The following HSD17B2 variants were observed in gnomAD, a reference collection of about 807,000 sequenced individuals.
HSD17B2 encodes the protein 17-beta-hydroxysteroid dehydrogenase type 2.
A neutral mutation model predicts 26.9 loss-of-function variants in HSD17B2; 32 were observed. That is an observed-to-expected ratio of 1.19 (90% confidence interval 0.90 to 1.60). The LOEUF (loss-of-function observed/expected upper bound fraction) is 1.60, where lower values mean the gene tolerates loss of function less well. Ranked by LOEUF, HSD17B2 falls within the 40% of genes most tolerant of loss-of-function variation. HSD17B2 has a pLI of 0.00. For synonymous variants in HSD17B2, 246 were observed against 186.7 expected, an observed-to-expected ratio of 1.32 and a Z score of -2.59; for missense variants, 613 against 468.6, an observed-to-expected ratio of 1.31 and a Z score of -2.85.
intron 3 of HSD17B2, among the ~76,000 whole-genome samples, chr16:82,087,141 T>C (rs558176793): frequency 1.3e-5 from 2 of 152,304 alleles, no homozygotes; most frequent in Non-Finnish European, 2.9e-5. Context: ...TGTGTTCTCT[T>C]AAGTTACCTA....
intron 1 of HSD17B2, among the ~76,000 whole-genome samples, chr16:82,055,106 G>A (rs559025603): frequency 2.0e-4 from 31 of 152,336 alleles, no homozygotes; most frequent in African/African-American, 5.5e-4. Context: ...TGTTCCCTGG[G>A]GGGGAACTGA....
intron 1 of HSD17B2, among the ~76,000 whole-genome samples, chr16:82,052,820 T>C (rs1914148972): frequency 6.6e-6 from 1 of 152,236 alleles, no homozygotes; most frequent in East Asian, 1.9e-4. Context: ...CATAACAGAC[T>C]GGGTGCCTTA....
intron 1 of HSD17B2, among the ~76,000 whole-genome samples, chr16:82,050,132 C>G (rs942591382): frequency 2.0e-5 from 3 of 152,220 alleles, no homozygotes; most frequent in African/African-American, 4.8e-5. Flanking sequence ...TAAACAATTT[C>G]TCTCTCCAAC....
intron 3 of HSD17B2, among the ~76,000 whole-genome samples, chr16:82,074,014 A>T (rs1567588448): frequency 6.6e-6 from 1 of 152,226 alleles, no homozygotes; most frequent in Non-Finnish European, 1.5e-5. Context: ...ACAAAGGTCA[A>T]TGGAACAGAA....
At chr16:82,086,250 G>A (rs1314117169) in intron 3 of HSD17B2, among the ~76,000 whole-genome samples, 5 of 152,136 alleles carry the variant, frequency 3.3e-5, no homozygotes, top group Non-Finnish European at 5.9e-5. Flanking sequence ...AGGATCACTG[G>A]CTAAATAAAA....
At chr16:82,048,971 C>T (rs971719799) in intron 1 of HSD17B2, among the ~76,000 whole-genome samples, 30 of 152,146 alleles carry the variant, frequency 2.0e-4, no homozygotes, top group Non-Finnish European at 4.3e-4. Context: ...AATAAAGTAA[C>T]CAGAGAACGC....
intron 1 of HSD17B2, chr16:82,063,174 GTC>G (rs1484489215): frequency 6.6e-6 from 1 of 152,214 alleles, no homozygotes; most frequent in Non-Finnish European, 1.5e-5. Context: ...GAATCAGGCA[GTC>G]TGAGTCTTAA....
chr16:82,035,584 C>T lies in HSD17B2; in HGVS notation c.160C>T (p.Pro54Ser). The T allele has an allele frequency of 6.2e-7, 1 of 1,613,966 alleles. No individual in the cohort carries two copies. The highest frequency in any genetic ancestry group is 8.5e-7 in the Non-Finnish European group (1 of 1,180,032). The change falls in exon 1 of 5, where the codon CCT becomes TCT. Residue 54 changes from proline to serine, a missense_variant. By Grantham distance (74) the Pro-to-Ser change is moderately conservative. Transcript: ENST00000199936. ...LCAVCLLILS[P>S]FWGLILFSVS... Reference sequence around the variant, plus strand: ...TGCAGTCTGCCTGCTCATCCTGTCCCCTTTTTGGGGCTTGATCCTCTTCTC... The same window carrying T: ...TGCAGTCTGCCTGCTCATCCTGTCCTCTTTTTGGGGCTTGATCCTCTTCTC...
chr16:82,091,922 C>CCTGCT (rs1904706588), intron 4 of HSD17B2: 1 of 152,208 alleles, frequency 6.6e-6, no homozygotes. Flanking sequence ...TCCCCTGGTG[C>CCTGCT]CTGCTCTGAG....
chr16:82,078,469 A>G (rs139751862), intron 3 of HSD17B2, among the ~76,000 whole-genome samples: 1,858 of 152,346 alleles, frequency 0.012, 30 homozygotes, highest in African/African-American at 0.043. Context: ...TATGGAGAAT[A>G]GCTCTAAAAA....
At chr16:82,061,278 T>C (rs542547734) in intron 1 of HSD17B2, among the ~76,000 whole-genome samples, 40 of 152,128 alleles carry the variant, frequency 2.6e-4, no homozygotes, top group Admixed American at 9.8e-4. Flanking sequence ...AAAGTTACCA[T>C]TTATTTAATA....
chr16:82,092,888 G>A (rs1386306179), intron 4 of HSD17B2: 1 of 152,162 alleles, frequency 6.6e-6, no homozygotes, highest in Non-Finnish European at 1.5e-5. Context: ...CAGGAGGATT[G>A]AGTGTTTGGT....
At chr16:82,050,607 G>A (rs541325707) in intron 1 of HSD17B2, among the ~76,000 whole-genome samples, 40 of 152,190 alleles carry the variant, frequency 2.6e-4, no homozygotes, top group African/African-American at 9.2e-4. Context: ...AAGACCAGAA[G>A]GCCCTGTGGA....
At chr16:82,044,742 CA>C (rs1243737220) in intron 1 of HSD17B2, 1 of 152,286 alleles carries the variant, frequency 6.6e-6, no homozygotes, top group African/African-American at 2.4e-5. Flanking sequence ...CCAGGAACGT[CA>C]CACTGAAAGC....
chr16:82,074,763 A>G (rs1356120746), intron 3 of HSD17B2, among the ~76,000 whole-genome samples: 1 of 152,222 alleles, frequency 6.6e-6, no homozygotes, highest in Admixed American at 6.5e-5. Flanking sequence ...GGAGGCTTCA[A>G]TACTCCACTT....
intron 3 of HSD17B2, among the ~76,000 whole-genome samples, chr16:82,077,792 GAAGAAAAGAA>G (rs879508469): frequency 2.0e-4 from 30 of 150,792 alleles, no homozygotes; most frequent in Admixed American, 3.3e-4. Flanking sequence ...AGGAAGAAAG[GAAGAAAAGAA>G]AAGAAAAGAA....
chr16:82,057,259 C>T (rs200990842), intron 1 of HSD17B2, among the ~76,000 whole-genome samples: 3 of 151,064 alleles, frequency 2.0e-5, no homozygotes, highest in Non-Finnish European at 2.9e-5. Flanking sequence ...AGTGCAGTGG[C>T]GCAATCTCGG....
rs372177703 is a variant in HSD17B2, at chr16:82,048,151, C to T, written c.265+12462C>T. ...AGATTAATCTTCCACATAGGTAGGA[C>T]AAATGAAGCTCTGAAACCTAAAAAG... On this transcript the variant is annotated intron_variant, in intron 1 of 4. Transcript: ENST00000199936. Among the ~76,000 whole-genome samples, 30 of 152,204 alleles carry T rather than the reference C, an allele frequency of 2.0e-4. No homozygotes were observed. In the East Asian group the frequency reaches 4.3e-3, roughly 22 times the overall value.
At chr16:82,094,252 T>C (rs569136458) in intron 4 of HSD17B2, 2 of 152,330 alleles carry the variant, frequency 1.3e-5, no homozygotes, top group East Asian at 3.9e-4. Flanking sequence ...GTTACTCTTG[T>C]TCAAATGCCT....
Sources: allele counts gnomAD v4.1 joint callset (sites outside exome capture counted in the v4.1 genomes callset), GRCh38; gene constraint gnomAD v4.1.1; transcripts MANE v1.5; gene names NCBI Gene and HGNC (gene_info 2026-07-23, HGNC 2026-07-21).